The following RASGEF1C variants were observed in gnomAD, a reference collection of about 807,000 sequenced individuals.
RASGEF1C encodes ras-GEF domain-containing family member 1C.
Under a neutral mutation model 58.1 loss-of-function variants are expected in RASGEF1C, and 27 were observed. The observed-to-expected ratio is 0.46, with a 90% CI of 0.34 to 0.64. RASGEF1C has a LOEUF of 0.64. Among genes scored for constraint, RASGEF1C ranks in the 30% least tolerant of loss-of-function variants. The pLI, the probability that RASGEF1C is intolerant of heterozygous loss-of-function variation, is 0.01. For synonymous variants in RASGEF1C, 243 were observed against 246.3 expected, an observed-to-expected ratio of 0.99 and a Z score of 0.13; for missense variants, 502 against 605.1, an observed-to-expected ratio of 0.83 and a Z score of 1.79.
intron 1 of RASGEF1C, among the ~76,000 whole-genome samples, chr5:180,147,809 G>C (rs979049258): frequency 2.0e-5 from 3 of 152,134 alleles, no homozygotes; most frequent in Non-Finnish European, 4.4e-5. Flanking sequence ...GTTAGACCTA[G>C]TTGGCTTATT....
intron 1 of RASGEF1C, among the ~76,000 whole-genome samples, chr5:180,179,115 T>A (rs1186123218): frequency 6.6e-6 from 1 of 152,008 alleles, no homozygotes; most frequent in African/African-American, 2.4e-5. Flanking sequence ...TGGGTCTGGA[T>A]CGAGCTGGAA....
intron 8 of RASGEF1C, among the ~76,000 whole-genome samples, 159 bp from the exon 9 acceptor site, chr5:180,119,025 C>T (rs1354337962): frequency 6.6e-6 from 1 of 152,218 alleles, no homozygotes; most frequent in Admixed American, 6.5e-5. Flanking sequence ...ACATCATGGT[C>T]AGGTAGGCCT....
rs1766840284 is a variant in RASGEF1C, at chr5:180,155,850, TC to T, written c.-6-17793del. The stretch of plus-strand genomic sequence containing the variant: ...ATGCTGCCTTCCCTTCAGGAACTTC[TC>T]CCCGTTGGCTGAAGCCTGAGTCAGG... On this transcript the variant is annotated intron_variant, in intron 1 of 13. Coordinates refer to ENST00000361132, the MANE Select transcript of RASGEF1C (RefSeq NM_175062.4). The surrounding 1 kb of genome is among the most constrained non-coding windows in gnomAD (Gnocchi z 5.2). Among the ~76,000 whole-genome samples, 1 of 152,068 alleles carries T rather than the reference TC, an allele frequency of 6.6e-6. No individual in the cohort carries two copies. The highest frequency in any genetic ancestry group is 2.1e-4 in the South Asian group (1 of 4,822).
At chr5:180,162,212 C>T (rs1766953883) in intron 1 of RASGEF1C, among the ~76,000 whole-genome samples, 2 of 152,222 alleles carry the variant, frequency 1.3e-5, no homozygotes, top group African/African-American at 4.8e-5. Flanking sequence ...CTGCCTCCCT[C>T]GCTGAAAATC....
chr5:180,127,800 C>T, intron 5 of RASGEF1C, 117 bp from the exon 6 acceptor site: 1 of 898,846 alleles, frequency 1.1e-6, no homozygotes, highest in Admixed American at 3.0e-5. Context: ...CACTCTGCAA[C>T]TGCCCTCCCC....
intron 11 of RASGEF1C, among the ~76,000 whole-genome samples, chr5:180,113,453 GGACCGGGGATGGACGGAGT>G (rs1165598486): frequency 3.5e-5 from 2 of 57,590 alleles, no homozygotes; most frequent in Admixed American, 3.7e-4. Flanking sequence ...ATGGACGGAG[GGACCGGGGATGGACGGAGT>G]GACCGGGGAT....
chr5:180,154,634 G>A (rs147456825), intron 1 of RASGEF1C, among the ~76,000 whole-genome samples: 462 of 150,738 alleles, frequency 3.1e-3, no homozygotes, highest in African/African-American at 0.011. Flanking sequence ...AGCCTGGAGT[G>A]CAGTGGTGCA....
In RASGEF1C at chr5:180,102,107, T is replaced by G; in HGVS notation, c.1340A>C (p.Glu447Ala). 6.2e-7 allele frequency: 1 copy of G among 1,605,166 alleles called. No individual in the cohort carries two copies. The highest frequency in any genetic ancestry group is 1.1e-5 in the South Asian group (1 of 90,860). Residue 447 changes from glutamate to alanine, a missense_variant, in exon 13 of 14, where the codon GAG becomes GCG. Transcript: ENST00000361132. ...YLASYESESPENQTEKERWKA... is the reference protein window; with the variant it reads ...YLASYESESPANQTEKERWKA... ...CCATCTTTCTTTTTCTGTTTGGTTC[T>G]CTGGGCTCTCACTTTCGTAAGAAGC... is the stretch of plus-strand genomic sequence containing the variant.
At chr5:180,170,558 C>T (rs6892707) in intron 1 of RASGEF1C, among the ~76,000 whole-genome samples, 37,136 of 152,026 alleles carry the variant, frequency 0.24, 5,107 homozygotes, top group Non-Finnish European at 0.31. Flanking sequence ...CCTGTCCCCG[C>T]GGAGCCCCCG....
intron 10 of RASGEF1C, among the ~76,000 whole-genome samples, chr5:180,115,835 T>C (rs1270460715): frequency 6.6e-6 from 1 of 151,824 alleles, no homozygotes; most frequent in Non-Finnish European, 1.5e-5. Flanking sequence ...TGCCCCGTCC[T>C]ACCTCTTCCT....
intron 12 of RASGEF1C, among the ~76,000 whole-genome samples, chr5:180,110,172 G>A (rs557897410): frequency 4.8e-4 from 73 of 152,232 alleles, no homozygotes; most frequent in African/African-American, 1.6e-3. Context: ...TGCAGGAGAG[G>A]CTTAGAGACG....
chr5:180,136,283 T>A (rs746589803), intron 4 of RASGEF1C, 95 bp downstream of exon 4: 1 of 1,260,634 alleles, frequency 7.9e-7, no homozygotes. Flanking sequence ...GTGTGCAGGG[T>A]GGGGAGATGA....
intron 1 of RASGEF1C, among the ~76,000 whole-genome samples, chr5:180,196,532 T>C (rs1468264214): frequency 6.6e-6 from 1 of 151,026 alleles, no homozygotes; most frequent in Non-Finnish European, 1.5e-5. Context: ...AAAAAAGAAA[T>C]AGTATTGTTC....
At chr5:180,108,016 G>C (rs1273979876) in intron 12 of RASGEF1C, among the ~76,000 whole-genome samples, 1 of 152,126 alleles carries the variant, frequency 6.6e-6, no homozygotes. Context: ...GGATCATTCA[G>C]CTTCTTGAAT....
rs1178895471 is a variant in RASGEF1C at position 180,158,517 on chromosome 5, C to A, written c.-6-20459G>T. On this transcript the variant is annotated intron_variant, in intron 1 of 13. Coordinates refer to ENST00000361132, the MANE Select transcript of RASGEF1C (RefSeq NM_175062.4). The surrounding 1 kb of genome is among the most constrained non-coding windows in gnomAD (Gnocchi z 4.0). Reference sequence around the variant, plus strand: ...CTAGATCTGTGCTCGTTTGTCTTCACAATTTTGAAGGCATTGTTTTCTGGC... The same window carrying A: ...CTAGATCTGTGCTCGTTTGTCTTCAAAATTTTGAAGGCATTGTTTTCTGGC... Among the ~76,000 whole-genome samples the A allele has an allele frequency of 6.6e-6, 1 of 152,192 alleles. No individual in the cohort carries two copies. The highest frequency in any genetic ancestry group is 1.5e-5 in the Non-Finnish European group (1 of 68,032).
At chr5:180,182,249 T>G (rs980828811) in intron 1 of RASGEF1C, among the ~76,000 whole-genome samples, 4 of 147,450 alleles carry the variant, frequency 2.7e-5, no homozygotes, top group African/African-American at 1.0e-4. Context: ...GCCATGGACC[T>G]TCACAGTGAG....
intron 1 of RASGEF1C, among the ~76,000 whole-genome samples, chr5:180,173,700 G>A (rs1357600314): frequency 3.3e-5 from 5 of 152,098 alleles, no homozygotes; most frequent in Non-Finnish European, 5.9e-5. Context: ...AGATCACAAG[G>A]TCAGGAGTTT....
At chr5:180,190,123 A>C (rs1561756367) in intron 1 of RASGEF1C, among the ~76,000 whole-genome samples, 1 of 152,014 alleles carries the variant, frequency 6.6e-6, no homozygotes. Context: ...CCAAGGTATT[A>C]ATAGGAGGAT....
chr5:180,158,787 A>C lies in RASGEF1C; in HGVS notation c.-6-20729T>G, dbSNP rs1051946128. Reference sequence around the variant, plus strand: ...GCACTTTCCAGTCTCACGGGCTGGAATCTCGTGCCCTTCAGTGCTGGAAAA... The same window carrying C: ...GCACTTTCCAGTCTCACGGGCTGGACTCTCGTGCCCTTCAGTGCTGGAAAA... On this transcript the variant is annotated intron_variant, in intron 1 of 13. Coordinates refer to ENST00000361132, the MANE Select transcript of RASGEF1C (RefSeq NM_175062.4). The surrounding 1 kb of genome is among the most constrained non-coding windows in gnomAD (Gnocchi z 4.0). Among the ~76,000 whole-genome samples the C allele has an allele frequency of 6.6e-6, 1 of 152,088 alleles. No individual in the cohort carries two copies. The highest frequency in any genetic ancestry group is 2.4e-5 in the African/African-American group (1 of 41,420).
Sources: gnomAD v4.1 joint callset for allele counts (sites outside exome capture counted in the v4.1 genomes callset) on GRCh38, gnomAD v4.1.1 for gene constraint, Gnocchi (gnomAD v3.1) non-coding constraint, MANE v1.5 for transcripts, NCBI Gene and HGNC (gene_info 2026-07-23, HGNC 2026-07-21) for gene names.